Variants in DPY19L1 observed in about 807,000 individuals in gnomAD.
DPY19L1 encodes protein C-mannosyl-transferase DPY19L1.
A neutral mutation model predicts 96.9 loss-of-function variants in DPY19L1; 35 were observed. The ratio of observed to expected loss-of-function variants is 0.36; its 90% CI spans 0.28 to 0.48. The LOEUF (loss-of-function observed/expected upper bound fraction) is 0.48. Among genes scored for constraint, DPY19L1 ranks in the 20% least tolerant of loss-of-function variants. The probability of loss-of-function intolerance (pLI) is 0.99; values close to 1 mark genes in which losing one functional copy is unlikely to be tolerated. For synonymous variants in DPY19L1, 205 were observed against 252.6 expected (o/e 0.81, Z 1.79); for missense variants, 521 against 777.9 (o/e 0.67, Z 3.93).
intron 21 of DPY19L1, among the ~76,000 whole-genome samples, chr7:34,933,804 C>G (rs1057169774): frequency 1.3e-5 from 2 of 152,160 alleles, no homozygotes; most frequent in Non-Finnish European, 2.9e-5. Flanking sequence ...GGGCCTTCAG[C>G]CACAGATTGA....
intron 1 of DPY19L1, among the ~76,000 whole-genome samples, chr7:35,028,414 A>AGT (rs1786179531): frequency 6.6e-6 from 1 of 152,278 alleles, no homozygotes; most frequent in Non-Finnish European, 1.5e-5. Flanking sequence ...ACAGAGAAAT[A>AGT]CACTAAGTAA....
intron 6 of DPY19L1, among the ~76,000 whole-genome samples, chr7:34,993,233 A>T (rs1785211220): frequency 6.6e-6 from 1 of 152,190 alleles, no homozygotes; most frequent in Non-Finnish European, 1.5e-5. Flanking sequence ...TTAAAACTAT[A>T]GTCTCCTAAA....
In DPY19L1 at chr7:34,947,818, T is replaced by A. The variant is rs1041487113; in HGVS notation, c.1423-117A>T. 1.2e-5 allele frequency: 9 copies of A among 770,074 alleles called. No homozygotes were observed. The African/African-American group carries it at 1.3e-4, about 11-fold the overall frequency. The allele number at this position is 770,074 out of a possible 1,614,324, so 47.7% of individuals were successfully genotyped here. A position where few individuals can be genotyped will look rare whatever the true frequency, so the allele number is the denominator to read the frequency against. Reference sequence around the variant, plus strand: ...AGAGAAATATGAACATTCACCAATCTACTCACTGACTGCCATCATAAAAAG... The same window carrying A: ...AGAGAAATATGAACATTCACCAATCAACTCACTGACTGCCATCATAAAAAG... On this transcript the variant is annotated intron_variant, in intron 14 of 21. Transcript: ENST00000638088.
chr7:35,030,996 A>T (rs949678280), intron 1 of DPY19L1, among the ~76,000 whole-genome samples: 1 of 152,304 alleles, frequency 6.6e-6, no homozygotes, highest in East Asian at 1.9e-4. Context: ...CTTCCCCTGG[A>T]AGAGTAATGT....
At chr7:34,988,472 G>A (rs1247891822) in intron 7 of DPY19L1, among the ~76,000 whole-genome samples, 1 of 150,568 alleles carries the variant, frequency 6.6e-6, no homozygotes, top group Non-Finnish European at 1.5e-5. Flanking sequence ...ATTAACTGAT[G>A]TCATGTTGCA....
intron 19 of DPY19L1, 79 bp downstream of exon 19, chr7:34,940,074 A>T: frequency 7.8e-7 from 1 of 1,284,780 alleles, no homozygotes; most frequent in Non-Finnish European, 1.0e-6. Context: ...ACTAGGGTTT[A>T]AGAGTTTGCA....
intron 7 of DPY19L1, among the ~76,000 whole-genome samples, 164 bp from the exon 8 acceptor site, chr7:34,973,769 G>A (rs1784777177): frequency 1.3e-5 from 2 of 152,064 alleles, no homozygotes. Context: ...ACTAGCATGT[G>A]ACAAATATTA....
rs773410624 is a variant in DPY19L1, at chr7:35,018,553, G to A, written c.323+19C>T. 2.5e-6 allele frequency: 4 copies of A among 1,602,458 alleles called. No homozygotes were observed. The African/African-American group carries it at 4.0e-5, about 16-fold the overall frequency. ...TAAACGTCTGCATAAAATACCATAG[G>A]AGAAAAAAACAATCTTACCAGTGCA... On this transcript the variant is annotated intron_variant, in intron 2 of 21. Coordinates refer to ENST00000638088, the MANE Select transcript of DPY19L1 (RefSeq NM_001366673.1).
Position 35,021,192 on chromosome 7 carries a change from G to A in DPY19L1, c.299-2596C>T, listed in dbSNP as rs557953981. On this transcript the variant is annotated intron_variant, in intron 1 of 21. Coordinates refer to ENST00000638088, the MANE Select transcript of DPY19L1 (RefSeq NM_001366673.1). ...GTGGTGAGCATAGCTGCCTTCCAAA[G>A]GGGGCATTCTTGATTTCTGCTGACT... Among the ~76,000 whole-genome samples the A allele has an allele frequency of 5.3e-5, 8 of 152,278 alleles. No individual in the cohort carries two copies. The East Asian group carries it at 1.3e-3, about 26-fold the overall frequency.
At chr7:34,955,464 T>A in intron 11 of DPY19L1, 97 bp from the exon 12 acceptor site, 1 of 1,472,864 alleles carries the variant, frequency 6.8e-7, no homozygotes, top group East Asian at 2.4e-5. Flanking sequence ...TTCTCAAGTA[T>A]CTAAAATTTA....
intron 1 of DPY19L1, among the ~76,000 whole-genome samples, chr7:35,036,353 T>C (rs1786399018): frequency 6.6e-6 from 1 of 152,084 alleles, no homozygotes; most frequent in African/African-American, 2.4e-5. Context: ...CTTATCAAAA[T>C]TCAACCAGGA....
chr7:35,008,994 T>C (rs576279925), intron 6 of DPY19L1, among the ~76,000 whole-genome samples: 1 of 152,248 alleles, frequency 6.6e-6, no homozygotes, highest in Admixed American at 6.5e-5. Context: ...AAAAACAAAA[T>C]CTTTCACAAT....
chr7:34,969,283 AAAAAT>A (rs1332713734), intron 9 of DPY19L1, 145 bp downstream of exon 9: 1 of 428,866 alleles, frequency 2.3e-6, no homozygotes, highest in Non-Finnish European at 4.2e-6. Flanking sequence ...AATATTTCTA[AAAAAT>A]GTTTTAGAAA....
At chr7:34,972,381 G>A (rs1784741860) in intron 8 of DPY19L1, among the ~76,000 whole-genome samples, 1 of 152,200 alleles carries the variant, frequency 6.6e-6, no homozygotes, top group South Asian at 2.1e-4. Flanking sequence ...AGTCCCCGGA[G>A]CAGCATCCCC....
chr7:34,949,804 T>A lies in DPY19L1; in HGVS notation c.1415A>T (p.Glu472Val). The part of the protein sequence containing the change: ...YTCAAEFDFM[E>V]KETPLRYTKT... ...CTAGAAATCACATCTTACCTCTTTT[T>A]CCATAAAGTCAAACTCCGCTGCACA... The change falls in exon 14 of 22, where the codon GAA (glutamate) becomes GTA (valine). Residue 472 changes from glutamate to valine, a missense_variant. Physicochemically the swap from Glu to Val is moderately radical, Grantham distance 121. Transcript: ENST00000638088. 6.3e-7 allele frequency: 1 copy of A among 1,591,034 alleles called. No homozygotes were observed. Among genetic ancestry groups the A allele is most frequent in the Non-Finnish European group, 8.6e-7 (1 of 1,165,302 alleles).
intron 4 of DPY19L1, 67 bp downstream of exon 4, chr7:35,013,501 G>T (rs746266620): frequency 8.1e-7 from 1 of 1,235,496 alleles, no homozygotes; most frequent in Non-Finnish European, 1.2e-6. Flanking sequence ...CTTAGATTTA[G>T]AATCAGCGTT....
At chr7:34,947,386 C>T (rs1358967587) in intron 15 of DPY19L1, among the ~76,000 whole-genome samples, 1 of 152,110 alleles carries the variant, frequency 6.6e-6, no homozygotes, top group Non-Finnish European at 1.5e-5. Context: ...ATCATGCCTT[C>T]CAAAATACAT....
intron 21 of DPY19L1, among the ~76,000 whole-genome samples, chr7:34,936,986 T>C (rs1227380499): frequency 1.3e-5 from 2 of 152,250 alleles, no homozygotes; most frequent in African/African-American, 2.4e-5. Context: ...AAAAATATTA[T>C]TATTCCATAA....
intron 1 of DPY19L1, among the ~76,000 whole-genome samples, chr7:35,032,965 G>C (rs1398161844): frequency 6.6e-6 from 1 of 151,914 alleles, no homozygotes; most frequent in Non-Finnish European, 1.5e-5. Flanking sequence ...CCTCCTCATG[G>C]GTCTCTCCAC....
Sources: gnomAD v4.1 joint callset for allele counts (sites outside exome capture counted in the v4.1 genomes callset) on GRCh38, gnomAD v4.1.1 for gene constraint, MANE v1.5 for transcripts, NCBI Gene and HGNC (gene_info 2026-07-23, HGNC 2026-07-21) for gene names.